The following COQ10B variants were observed in gnomAD, a reference collection of about 807,000 sequenced individuals.
The protein encoded by COQ10B is coenzyme Q10B.
Under a neutral mutation model 27.6 loss-of-function variants are expected in COQ10B, and 12 were observed. That is an observed-to-expected ratio of 0.43 (90% confidence interval 0.28 to 0.70). COQ10B has a LOEUF of 0.70. COQ10B is among the 30% of genes least tolerant of loss of function. The probability of loss-of-function intolerance (pLI) is 0.17; values close to 1 mark genes in which losing one functional copy is unlikely to be tolerated. For missense variants in COQ10B, 278 were observed against 288.7 expected, an observed-to-expected ratio of 0.96 and a Z score of 0.27; for synonymous variants, 115 against 103.0, an observed-to-expected ratio of 1.12 and a Z score of -0.71.
At chr2:197,468,916 C>T (rs899686859) in intron 3 of COQ10B, among the ~76,000 whole-genome samples, 1 of 152,144 alleles carries the variant, frequency 6.6e-6, no homozygotes, top group Non-Finnish European at 1.5e-5. Context: ...CTCTCAGGGT[C>T]ATAACGAGCA....
chr2:197,456,705 C>A (rs2085703273), intron 1 of COQ10B, among the ~76,000 whole-genome samples: 1 of 151,842 alleles, frequency 6.6e-6, no homozygotes. Flanking sequence ...GCAGAGCTTG[C>A]AGTGAGCCTA....
intron 1 of COQ10B, chr2:197,454,076 A>G (rs1185784585): frequency 6.4e-7 from 1 of 1,551,104 alleles, no homozygotes; most frequent in South Asian, 1.2e-5. Context: ...GGTTCCTTCT[A>G]CCTGCCAGAT....
rs147239977 is a variant in COQ10B, at chr2:197,460,631, A to G, written c.254+550A>G. 1.8e-3 allele frequency among the ~76,000 whole-genome samples: 272 copies of G among 152,354 alleles called. 1 individual carries two copies. Among genetic ancestry groups the G allele is most frequent in the Middle Eastern group, 0.01 (3 of 294 alleles). On this transcript the variant is annotated intron_variant, in intron 2 of 4. Transcript: ENST00000263960. ...TACATTGTTCTTTTCTGTATTAGCA[A>G]CATTACTGATACATTGGGCCATATG...
At chr2:197,453,892 A>G (rs1031370632) in intron 1 of COQ10B, 1 of 1,451,892 alleles carries the variant, frequency 6.9e-7, no homozygotes, top group Non-Finnish European at 9.4e-7. Context: ...AGAGGCGGTG[A>G]ATCATCGGCG....
chr2:197,472,709 C>G (rs1218385481), intron 4 of COQ10B, among the ~76,000 whole-genome samples: 1 of 144,534 alleles, frequency 6.9e-6, no homozygotes, highest in Non-Finnish European at 1.5e-5. Context: ...GAGGCTGAGG[C>G]AGGAGAATCG....
chr2:197,464,409 G>A (rs1357968711), intron 3 of COQ10B, among the ~76,000 whole-genome samples: 3 of 151,940 alleles, frequency 2.0e-5, no homozygotes, highest in Non-Finnish European at 2.9e-5. Flanking sequence ...CATTGAAGGG[G>A]GTGCAGCTCT....
chr2:197,473,866 A>G lies in COQ10B; in HGVS notation c.659A>G (p.Tyr220Cys), dbSNP rs1401031795. Residue 220 changes from tyrosine to cysteine, a missense_variant, in exon 5 of 5, where the codon TAT (tyrosine) becomes TGT (cysteine). By Grantham distance (194) the Tyr-to-Cys change is radical. Transcript: ENST00000263960. The part of the protein sequence containing the change: ...AAFERRACKL[Y>C]GPETNIPREL... ...TTTGAAAGAAGAGCATGTAAGCTGT[A>G]TGGTCCAGAAACAAATATACCTCGG... 5 of 1,602,170 alleles carry G rather than the reference A, an allele frequency of 3.1e-6. No homozygotes were observed. The highest frequency in any genetic ancestry group is 3.4e-6 in the Non-Finnish European group (4 of 1,172,472).
chr2:197,473,425 TATATATATATATATATACACATATATAC>T (rs2085902648), intron 4 of COQ10B, among the ~76,000 whole-genome samples: 1 of 92,320 alleles, frequency 1.1e-5, no homozygotes, highest in East Asian at 2.5e-4. Context: ...AATATATATA[TATATATATATATATATACACATATATAC>T]ATATATATAT....
intron 1 of COQ10B, among the ~76,000 whole-genome samples, chr2:197,457,769 G>A (rs1225209654): frequency 2.0e-5 from 3 of 151,928 alleles, no homozygotes; most frequent in East Asian, 3.9e-4. Context: ...TTACAGGCAC[G>A]TGCCACCACA....
Position 197,473,517 on chromosome 2 carries a change from TACAC to T in COQ10B, c.550-226_550-223del, listed in dbSNP as rs147497939. 4.4e-3 allele frequency among the ~76,000 whole-genome samples: 619 copies of T among 140,574 alleles called. 7 individuals carry two copies. Among genetic ancestry groups the T allele is most frequent in the African/African-American group, 0.014 (531 of 37,962 alleles). The allele number at this position is 140,574 out of a possible 152,430, so 92.2% of individuals were successfully genotyped here. The stretch of plus-strand genomic sequence containing the variant: ...ATACGTATATATATACGTATATATA[TACAC>T]ACACACACACACAAATTAGCCACAT... On this transcript the variant is annotated intron_variant, in intron 4 of 4. Transcript: ENST00000263960.
rs1232204330 is a variant in COQ10B at position 197,473,508 on chromosome 2, G to GTA, written c.550-240_550-239dup. Among the ~76,000 whole-genome samples, 178 of 114,102 alleles carry GTA rather than the reference G, an allele frequency of 1.6e-3. 1 individual carries two copies. The highest frequency in any genetic ancestry group is 4.8e-3 in the African/African-American group (146 of 30,398). The allele number at this position is 114,102 out of a possible 152,430, so 74.9% of individuals were successfully genotyped here. A position where few individuals can be genotyped will look rare whatever the true frequency, so the allele number is the denominator to read the frequency against. On this transcript the variant is annotated intron_variant, in intron 4 of 4. Transcript: ENST00000263960. ...TATATGTATATACGTATATATATAC[G>GTA]TATATATATACACACACACACACAC...
intron 1 of COQ10B, chr2:197,453,880 T>C (rs2106042188): frequency 2.2e-6 from 3 of 1,387,404 alleles, no homozygotes; most frequent in East Asian, 2.5e-5. Flanking sequence ...GTTTGCCTCG[T>C]GAGAGGCGGT....
At chr2:197,458,720 A>G (rs1574578907) in intron 1 of COQ10B, among the ~76,000 whole-genome samples, 1 of 128,740 alleles carries the variant, frequency 7.8e-6, no homozygotes, top group Admixed American at 8.5e-5. Flanking sequence ...TCATTCTGTT[A>G]CCCAGGCTAG....
intron 3 of COQ10B, among the ~76,000 whole-genome samples, chr2:197,463,211 C>T (rs186158644): frequency 3.3e-5 from 5 of 152,242 alleles, no homozygotes; most frequent in Admixed American, 2.6e-4. Flanking sequence ...CTGTGGCTCA[C>T]GCCTTTAATC....
chr2:197,457,104 T>A (rs938149104), intron 1 of COQ10B, among the ~76,000 whole-genome samples: 1 of 152,144 alleles, frequency 6.6e-6, no homozygotes, highest in African/African-American at 2.4e-5. Flanking sequence ...CATGTGCAGT[T>A]CACAATAGAG....
chr2:197,454,081 C>A (rs1423399067), intron 1 of COQ10B: 2 of 1,551,168 alleles, frequency 1.3e-6, no homozygotes, highest in Admixed American at 2.0e-5. Flanking sequence ...CTTCTACCTG[C>A]CAGATGGTCA....
chr2:197,457,647 A>C (rs1264120896), intron 1 of COQ10B, among the ~76,000 whole-genome samples: 3 of 148,174 alleles, frequency 2.0e-5, no homozygotes, highest in African/African-American at 7.5e-5. Context: ...TGAGACGGGG[A>C]GTCTTGCTCT....
At chr2:197,464,066 TAC>T (rs138340315) in intron 3 of COQ10B, among the ~76,000 whole-genome samples, 31 of 107,292 alleles carry the variant, frequency 2.9e-4, no homozygotes, top group South Asian at 6.7e-4. Flanking sequence ...TATATATATA[TAC>T]ACACACACAC....
intron 4 of COQ10B, among the ~76,000 whole-genome samples, chr2:197,471,163 G>T (rs1338163505): frequency 1.3e-5 from 2 of 151,668 alleles, no homozygotes; most frequent in African/African-American, 2.4e-5. Flanking sequence ...ATTTTTTTGA[G>T]ATGGGGCGCT....
Sources: gnomAD v4.1 joint callset for allele counts (sites outside exome capture counted in the v4.1 genomes callset) on GRCh38, gnomAD v4.1.1 for gene constraint, MANE v1.5 for transcripts, NCBI Gene and HGNC (gene_info 2026-07-23, HGNC 2026-07-21) for gene names.